TTLL5: variants seen among roughly 807,000 people sequenced by gnomAD.
The protein encoded by TTLL5 is tubulin polyglutamylase TTLL5.
Under a neutral mutation model 168.4 loss-of-function variants are expected in TTLL5, and 132 were observed. The observed-to-expected ratio is 0.78, with a 90% CI of 0.68 to 0.91. TTLL5 has a LOEUF of 0.91. Ranked by LOEUF, TTLL5 falls within the 40% of genes least tolerant of loss-of-function variation. The probability of loss-of-function intolerance (pLI) is 0.00; values close to 1 mark genes in which losing one functional copy is unlikely to be tolerated. For missense variants in TTLL5, 1,545 were observed against 1,581.5 expected, an observed-to-expected ratio of 0.98 and a Z score of 0.39; for synonymous variants, 546 against 558.6, an observed-to-expected ratio of 0.98 and a Z score of 0.32.
chr14:75,837,535 A>G (rs1420065283), intron 28 of TTLL5, among the ~76,000 whole-genome samples: 2 of 152,106 alleles, frequency 1.3e-5, no homozygotes, highest in Non-Finnish European at 2.9e-5. Flanking sequence ...ACCACCATCC[A>G]TCTCCATAAT....
At chr14:75,831,210 A>G (rs145748331) in intron 28 of TTLL5, among the ~76,000 whole-genome samples, 147 of 152,302 alleles carry the variant, frequency 9.7e-4, no homozygotes, top group African/African-American at 3.4e-3. Flanking sequence ...AGAAAGGTAC[A>G]TTGTTGATAT....
intron 9 of TTLL5, among the ~76,000 whole-genome samples, chr14:75,713,392 T>G (rs1887227491): frequency 6.6e-6 from 1 of 152,204 alleles, no homozygotes; most frequent in African/African-American, 2.4e-5. Context: ...ATCCTAGGTG[T>G]GTAGTAGGCT....
At chr14:75,834,677 T>C (rs1895779047) in intron 28 of TTLL5, among the ~76,000 whole-genome samples, 1 of 152,148 alleles carries the variant, frequency 6.6e-6, no homozygotes, top group Non-Finnish European at 1.5e-5. Flanking sequence ...TCACACACCA[T>C]CATTTAAAAA....
chr14:75,696,205 C>T (rs764967721), intron 6 of TTLL5, among the ~76,000 whole-genome samples: 17 of 152,038 alleles, frequency 1.1e-4, no homozygotes, highest in Non-Finnish European at 2.5e-4. Context: ...CTGGTCGTTT[C>T]CTTAGACATT....
At chr14:75,911,695 T>G (rs1283373646) in intron 31 of TTLL5, among the ~76,000 whole-genome samples, 1 of 152,222 alleles carries the variant, frequency 6.6e-6, no homozygotes, top group Non-Finnish European at 1.5e-5. Context: ...TTTTTTAACT[T>G]ATGCCTAAGC....
chr14:75,913,128 G>A (rs901407275), intron 31 of TTLL5, among the ~76,000 whole-genome samples: 1 of 152,184 alleles, frequency 6.6e-6, no homozygotes, highest in African/African-American at 2.4e-5. Flanking sequence ...ATTAATATAT[G>A]CTTGGGAAAG....
chr14:75,913,113 C>T (rs111262758), intron 31 of TTLL5, among the ~76,000 whole-genome samples: 1 of 152,114 alleles, frequency 6.6e-6, no homozygotes, highest in Non-Finnish European at 1.5e-5. Context: ...TTTGAAGATG[C>T]GTCTATTAAT....
intron 13 of TTLL5, 133 bp from the exon 14 acceptor site, chr14:75,733,856 T>A: frequency 9.7e-6 from 6 of 621,252 alleles, no homozygotes; most frequent in Non-Finnish European, 1.7e-5. Flanking sequence ...ACCGCCCCCG[T>A]GGATTTTATG....
rs1028167232 is a variant in TTLL5 at position 75,813,753 on chromosome 14, A to G, written c.3172-6254A>G. Among the ~76,000 whole-genome samples, 12 of 151,522 alleles carry G rather than the reference A, an allele frequency of 7.9e-5. 1 individual carries two copies. The East Asian group carries it at 2.1e-3, about 27-fold the overall frequency. ...AGACTTATAAGCTTCTTATGTGTATATACTTGTGTTTTTCACTTAAAGATG... is the reference window on the plus strand; with the variant it reads ...AGACTTATAAGCTTCTTATGTGTATGTACTTGTGTTTTTCACTTAAAGATG... On this transcript the variant is annotated intron_variant, in intron 27 of 31. Transcript: ENST00000298832.
intron 6 of TTLL5, among the ~76,000 whole-genome samples, chr14:75,695,552 G>A (rs573765309): frequency 9.9e-5 from 15 of 152,118 alleles, no homozygotes; most frequent in East Asian, 1.9e-4. Context: ...CTGGTTTTGC[G>A]GCTCAGGGGG....
At chr14:75,876,565 C>G (rs1362083921) in intron 29 of TTLL5, among the ~76,000 whole-genome samples, 1 of 152,176 alleles carries the variant, frequency 6.6e-6, no homozygotes, top group Non-Finnish European at 1.5e-5. Context: ...CATATCCTGT[C>G]TCAGGTATTT....
intron 9 of TTLL5, among the ~76,000 whole-genome samples, chr14:75,714,508 GGAA>G (rs2140189368): frequency 6.6e-6 from 1 of 152,082 alleles, no homozygotes; most frequent in South Asian, 2.1e-4. Flanking sequence ...TTTTCTGTGA[GGAA>G]GAGCTTTATC....
chr14:75,945,660 A>G lies in TTLL5; in HGVS notation c.3824-8764A>G, dbSNP rs114137020. 6.3e-3 allele frequency among the ~76,000 whole-genome samples: 957 copies of G among 152,346 alleles called. 9 individuals are homozygous for G. Among genetic ancestry groups the G allele is most frequent in the African/African-American group, 0.02 (839 of 41,576 alleles). On this transcript the variant is annotated intron_variant, in intron 31 of 31. Coordinates refer to ENST00000298832, the MANE Select transcript of TTLL5 (RefSeq NM_015072.5). The stretch of plus-strand genomic sequence containing the variant: ...CAGAAAGAAAAAGAGGTGGAAAGCC[A>G]TTTGAGAAGGCCTAATAAATATCTA...
At chr14:75,939,496 C>T (rs555100898) in intron 31 of TTLL5, among the ~76,000 whole-genome samples, 1 of 152,310 alleles carries the variant, frequency 6.6e-6, no homozygotes, top group Non-Finnish European at 1.5e-5. Context: ...AGCAATCTTC[C>T]TGCCTCAGCC....
intron 13 of TTLL5, among the ~76,000 whole-genome samples, chr14:75,733,523 A>G (rs1251940675): frequency 6.6e-6 from 1 of 152,112 alleles, no homozygotes; most frequent in Non-Finnish European, 1.5e-5. Flanking sequence ...AGAGCAGACA[A>G]TAAAGACTTT....
At chr14:75,853,457 G>C (rs552192533) in intron 28 of TTLL5, among the ~76,000 whole-genome samples, 1 of 152,252 alleles carries the variant, frequency 6.6e-6, no homozygotes, top group East Asian at 1.9e-4. Context: ...CTTTTAAAAA[G>C]CAGGAACTAT....
intron 3 of TTLL5, among the ~76,000 whole-genome samples, chr14:75,675,909 A>G (rs1436311335): frequency 1.3e-5 from 2 of 152,160 alleles, no homozygotes; most frequent in Admixed American, 1.3e-4. Context: ...AAAAAGTCCC[A>G]TTATCTACCA....
intron 31 of TTLL5, among the ~76,000 whole-genome samples, chr14:75,950,285 T>C (rs1226896705): frequency 2.6e-5 from 4 of 152,148 alleles, no homozygotes; most frequent in Non-Finnish European, 5.9e-5. Context: ...GAGACTTAAA[T>C]ATGAAAAGCA....
chr14:75,950,126 A>G (rs1467240228), intron 31 of TTLL5, among the ~76,000 whole-genome samples: 1 of 152,214 alleles, frequency 6.6e-6, no homozygotes, highest in Non-Finnish European at 1.5e-5. Context: ...ACTGGTCTAT[A>G]TATAGGAAAT....
Sources: allele counts gnomAD v4.1 joint callset (sites outside exome capture counted in the v4.1 genomes callset), GRCh38; gene constraint gnomAD v4.1.1; transcripts MANE v1.5; gene names NCBI Gene and HGNC (gene_info 2026-07-23, HGNC 2026-07-21).